Variants in REXO5 observed in about 807,000 individuals in gnomAD.
REXO5 encodes exonuclease NEF-sp.
REXO5 carries 48 observed loss-of-function variants against 88.5 expected under a neutral mutation model. That is an observed-to-expected ratio of 0.54 (90% CI 0.43 to 0.69). REXO5 has a LOEUF of 0.69. REXO5 is among the 30% of genes least tolerant of loss of function. The pLI, the probability that REXO5 is intolerant of heterozygous loss-of-function variation, is 0.00. For missense variants in REXO5, 749 were observed against 912.2 expected, an observed-to-expected ratio of 0.82 and a Z score of 2.30; for synonymous variants, 311 against 336.5, an observed-to-expected ratio of 0.92 and a Z score of 0.83.
intron 2 of REXO5, 130 bp from the exon 3 acceptor site, chr16:20,813,056 CAATT>C (rs1328856723): frequency 3.0e-6 from 2 of 670,824 alleles, no homozygotes; most frequent in African/African-American, 3.6e-5. Flanking sequence ...CCATCATTTT[CAATT>C]AATTAGCACT....
In REXO5 at chr16:20,832,925, A is replaced by G. The variant is rs1470429833; in HGVS notation, c.1263-78A>G. 3.6e-6 allele frequency: 5 copies of G among 1,375,132 alleles called. No individual in the cohort carries two copies. In the South Asian group the frequency reaches 5.3e-5, roughly 15 times the overall value. The allele number at this position is 1,375,132 out of a possible 1,614,324, so 85.2% of individuals were successfully genotyped here. A position where few individuals can be genotyped will look rare whatever the true frequency, so the allele number is the denominator to read the frequency against. On this transcript the variant is annotated intron_variant, in intron 12 of 19. Transcript: ENST00000261377. The stretch of plus-strand genomic sequence containing the variant: ...ATATTGCTAGTGGCTACCATATTGT[A>G]TAATGCAAGTATAGAGAAATAACTG...
intron 11 of REXO5, among the ~76,000 whole-genome samples, chr16:20,829,732 T>A (rs1244862610): frequency 6.6e-6 from 1 of 152,224 alleles, no homozygotes; most frequent in African/African-American, 2.4e-5. Flanking sequence ...ATCATTCCAA[T>A]TTTATACATG....
At position 20,840,319 on chromosome 16, in the gene REXO5, T is replaced by A; in HGVS notation, c.1489-12T>A. The A allele has an allele frequency of 6.6e-7, 1 of 1,520,870 alleles. No individual in the cohort carries two copies. Among genetic ancestry groups the A allele is most frequent in the South Asian group, 1.3e-5 (1 of 74,946 alleles). The allele number at this position is 1,520,870 out of a possible 1,614,324, so 94.2% of individuals were successfully genotyped here. On this transcript the variant is annotated splice_polypyrimidine_tract_variant and intron_variant, in intron 14 of 19. Transcript: ENST00000261377. Reference sequence around the variant, plus strand: ...TTCATTCCCATACTATATTCTGTTGTTTTTCCTACAGATGAGGATCAAGTG... The same window carrying A: ...TTCATTCCCATACTATATTCTGTTGATTTTCCTACAGATGAGGATCAAGTG...
rs1198124516 is a variant in REXO5, at chr16:20,844,175, C to T, written c.1719+149C>T. ...GTCTTCAGCCAAGTCTAACATTCTCCTACTGGCAGTGATTGAAGACATAAC... is the reference window on the plus strand; with the variant it reads ...GTCTTCAGCCAAGTCTAACATTCTCTTACTGGCAGTGATTGAAGACATAAC... On this transcript the variant is annotated intron_variant, in intron 16 of 19. Transcript: ENST00000261377. 5 of 596,772 alleles carry T rather than the reference C, an allele frequency of 8.4e-6. No individual in the cohort carries two copies. The East Asian group carries it at 8.4e-5, about 10-fold the overall frequency. 37.0% of individuals were successfully genotyped at this position (596,772 alleles called of 1,614,324 possible).
chr16:20,833,281 C>T (rs747354559), intron 13 of REXO5, among the ~76,000 whole-genome samples, 158 bp downstream of exon 13: 20 of 152,154 alleles, frequency 1.3e-4, no homozygotes, highest in Non-Finnish European at 2.2e-4. Context: ...TACCTAAGTC[C>T]TCATAGGGGC....
At chr16:20,846,200 G>T in intron 18 of REXO5, 21 bp from the exon 19 acceptor site, 1 of 1,592,298 alleles carries the variant, frequency 6.3e-7, no homozygotes, top group South Asian at 1.1e-5. Flanking sequence ...GCTGAGTATC[G>T]ACACATGGCT....
intron 5 of REXO5, among the ~76,000 whole-genome samples, chr16:20,816,419 A>G (rs1010866882): frequency 3.3e-5 from 5 of 152,080 alleles, no homozygotes; most frequent in African/African-American, 9.7e-5. Flanking sequence ...TTGACCTCCC[A>G]GACTCAAGCA....
chr16:20,839,616 C>A, intron 13 of REXO5, 139 bp from the exon 14 acceptor site: 2 of 494,468 alleles, frequency 4.0e-6, no homozygotes, highest in South Asian at 5.8e-5. Context: ...CATTTTCCTG[C>A]AGACCTGGAA....
chr16:20,828,851 AGGGAGGCAGAGGTTGCG>A (rs768987625), intron 11 of REXO5, among the ~76,000 whole-genome samples: 50 of 151,612 alleles, frequency 3.3e-4, no homozygotes, highest in African/African-American at 1.2e-3. Context: ...CGCTTGAACC[AGGGAGGCAGAGGTTGCG>A]GGGAGGCAGA....
chr16:20,849,556 C>G lies in REXO5; in HGVS notation c.*76C>G. 10 of 1,307,166 alleles carry G rather than the reference C, an allele frequency of 7.7e-6. No homozygotes were observed. Among genetic ancestry groups the G allele is most frequent in the Middle Eastern group, 3.7e-4 (2 of 5,402 alleles). The allele number at this position is 1,307,166 out of a possible 1,614,324, so 81.0% of individuals were successfully genotyped here. A position where few individuals can be genotyped will look rare whatever the true frequency, so the allele number is the denominator to read the frequency against. Reference sequence around the variant, plus strand: ...GCAAAGAATGTGGTCAGGCTGTAGCCTCCCCAACCAGCAGACAGCTTTATG... The same window carrying G: ...GCAAAGAATGTGGTCAGGCTGTAGCGTCCCCAACCAGCAGACAGCTTTATG... On this transcript the variant is annotated 3_prime_UTR_variant, in exon 20 of 20. Coordinates refer to ENST00000261377, the MANE Select transcript of REXO5 (RefSeq NM_030941.3).
At position 20,828,469 on chromosome 16, in the gene REXO5, G is replaced by C; in HGVS notation, c.1090G>C (p.Asp364His). The change falls in exon 11 of 20, where the codon GAT becomes CAT. Residue 364 changes from aspartate (D) to histidine (H), a missense_variant. By Grantham distance (81) the Asp-to-His change is moderately conservative (BLOSUM62 -1). Coordinates refer to ENST00000261377, the MANE Select transcript of REXO5 (RefSeq NM_030941.3). ...DIQCPDRLGH[D>H]ATEDARTILE... ...ACAGTGTCCAGACAGACTTGGTCATGATGCCACAGAAGATGCTAGAACAAT... is the reference window on the plus strand; with the variant it reads ...ACAGTGTCCAGACAGACTTGGTCATCATGCCACAGAAGATGCTAGAACAAT... 2 of 1,613,946 alleles carry C rather than the reference G, an allele frequency of 1.2e-6. No homozygotes were observed. The highest frequency in any genetic ancestry group is 1.7e-6 in the Non-Finnish European group (2 of 1,179,860).
intron 2 of REXO5, among the ~76,000 whole-genome samples, chr16:20,810,928 C>T (rs1040238442): frequency 6.6e-6 from 1 of 152,148 alleles, no homozygotes; most frequent in Non-Finnish European, 1.5e-5. Flanking sequence ...GGTTTATACC[C>T]TCATCCTGTT....
intron 4 of REXO5, 29 bp downstream of exon 4, chr16:20,815,082 C>A: frequency 6.3e-7 from 1 of 1,594,332 alleles, no homozygotes; most frequent in Non-Finnish European, 8.5e-7. Context: ...GTACTAGGGG[C>A]TGAGTCTGTT....
chr16:20,846,745 G>C (rs558218070), intron 19 of REXO5, among the ~76,000 whole-genome samples: 1 of 152,282 alleles, frequency 6.6e-6, no homozygotes, highest in South Asian at 2.1e-4. Flanking sequence ...TGTTTTAAGA[G>C]ATAACAGGGC....
At chr16:20,810,867 C>G (rs1268073279) in intron 2 of REXO5, among the ~76,000 whole-genome samples, 1 of 152,124 alleles carries the variant, frequency 6.6e-6, no homozygotes, top group Non-Finnish European at 1.5e-5. Context: ...AGGTCATCTT[C>G]CTTTGTGAGC....
At chr16:20,828,042 C>T (rs949752812) in intron 10 of REXO5, among the ~76,000 whole-genome samples, 1 of 151,910 alleles carries the variant, frequency 6.6e-6, no homozygotes, top group Non-Finnish European at 1.5e-5. Context: ...TTTAAAAACA[C>T]CTAAGAAAGT....
intron 15 of REXO5, 109 bp downstream of exon 15, chr16:20,840,577 C>A: frequency 2.1e-6 from 2 of 966,946 alleles, no homozygotes; most frequent in Middle Eastern, 3.2e-4. Flanking sequence ...TGATTGCTAC[C>A]AACTGGAGTG....
intron 6 of REXO5, among the ~76,000 whole-genome samples, chr16:20,822,993 C>G (rs1419386389): frequency 6.6e-6 from 1 of 152,202 alleles, no homozygotes; most frequent in Admixed American, 6.5e-5. Context: ...TACCATTTTA[C>G]TTTCCCACCA....
At position 20,845,209 on chromosome 16, in the gene REXO5, G is replaced by T. The variant is rs775526617; in HGVS notation, c.2092G>T (p.Val698Leu). 3.1e-6 allele frequency: 5 copies of T among 1,613,382 alleles called. No individual in the cohort carries two copies. The African/African-American group carries it at 5.3e-5, about 17-fold the overall frequency. Reference protein sequence around the residue: ...ESTRLPGLRVVPPPFEQEALQ... With the variant: ...ESTRLPGLRVLPPPFEQEALQ... ...AACAAGGCTCCCAGGGCTTCGTGTT[G>T]TACCTCCCCCCTTTGAACAGGAGGC... Residue 698 changes from valine (V) to leucine (L), a missense_variant, in exon 18 of 20, where the codon GTA becomes TTA. By Grantham distance (32) the Val-to-Leu change is conservative (BLOSUM62 1). Transcript: ENST00000261377.
Sources: allele counts gnomAD v4.1 joint callset (sites outside exome capture counted in the v4.1 genomes callset), GRCh38; gene constraint gnomAD v4.1.1; transcripts MANE v1.5; gene names NCBI Gene and HGNC (gene_info 2026-07-23, HGNC 2026-07-21).